PROS1: variants seen among roughly 807,000 people sequenced by gnomAD.
PROS1 encodes the protein protein S.
Under a neutral mutation model 75.9 loss-of-function variants are expected in PROS1, and 29 were observed. That is an observed-to-expected ratio of 0.38 (90% CI 0.28 to 0.52). The LOEUF is 0.52. PROS1 is among the 20% of genes least tolerant of loss of function. The probability of loss-of-function intolerance (pLI) is 0.83; values close to 1 mark genes in which losing one functional copy is unlikely to be tolerated. For missense variants in PROS1, 680 were observed against 810.3 expected, an observed-to-expected ratio of 0.84 and a Z score of 1.95; for synonymous variants, 245 against 280.6, an observed-to-expected ratio of 0.87 and a Z score of 1.27.
chr3:93,954,263 G>A (rs1345077554), intron 1 of PROS1, among the ~76,000 whole-genome samples: 6 of 152,164 alleles, frequency 3.9e-5, no homozygotes, highest in Non-Finnish European at 7.3e-5. Context: ...AGCCCGCATT[G>A]CCAAGACAAT....
At chr3:93,910,964 G>C (rs894150348) in intron 3 of PROS1, 1 of 432,606 alleles carries the variant, frequency 2.3e-6, no homozygotes, top group Non-Finnish European at 4.2e-6. Flanking sequence ...CTTAAAGTCA[G>C]AAGTGAAAAA....
At chr3:93,889,693 A>T (rs1157790691) in intron 10 of PROS1, among the ~76,000 whole-genome samples, 1 of 152,186 alleles carries the variant, frequency 6.6e-6, no homozygotes, top group Admixed American at 6.5e-5. Flanking sequence ...GATTTCATGG[A>T]CATTTATTAG....
chr3:93,946,391 C>T (rs1292463091), intron 1 of PROS1, among the ~76,000 whole-genome samples: 1 of 152,178 alleles, frequency 6.6e-6, no homozygotes, highest in Non-Finnish European at 1.5e-5. Context: ...CATCATGCTA[C>T]ATGACTTCAA....
At chr3:93,905,450 A>G (rs1357268513) in intron 6 of PROS1, among the ~76,000 whole-genome samples, 1 of 152,066 alleles carries the variant, frequency 6.6e-6, no homozygotes, top group African/African-American at 2.4e-5. Flanking sequence ...AAAATACAAA[A>G]CAAAACTAGC....
At chr3:93,889,666 G>A (rs1708401755) in intron 10 of PROS1, among the ~76,000 whole-genome samples, 1 of 152,122 alleles carries the variant, frequency 6.6e-6, no homozygotes, top group African/African-American at 2.4e-5. Flanking sequence ...CCACAGCAGA[G>A]GAACATAAAT....
At chr3:93,929,590 G>T (rs999367149) in intron 1 of PROS1, among the ~76,000 whole-genome samples, 1 of 152,148 alleles carries the variant, frequency 6.6e-6, no homozygotes, top group African/African-American at 2.4e-5. Context: ...CAAAGATACA[G>T]TAAGTTAAAA....
At chr3:93,932,563 T>C (rs764779016) in intron 1 of PROS1, among the ~76,000 whole-genome samples, 4 of 152,170 alleles carry the variant, frequency 2.6e-5, no homozygotes, top group Admixed American at 6.5e-5. Flanking sequence ...CTTATCTGAG[T>C]CACTCCTTCA....
At chr3:93,881,644 C>T (rs950912834) in intron 12 of PROS1, among the ~76,000 whole-genome samples, 2 of 141,584 alleles carry the variant, frequency 1.4e-5, no homozygotes, top group Non-Finnish European at 3.0e-5. Flanking sequence ...TCTGCTGTGT[C>T]AACATATTGG....
chr3:93,946,872 G>A (rs1252860157), intron 1 of PROS1, among the ~76,000 whole-genome samples: 2 of 147,062 alleles, frequency 1.4e-5, no homozygotes, highest in Non-Finnish European at 3.0e-5. Flanking sequence ...TCATCAGAGT[G>A]AACAGGCAAC....
chr3:93,940,288 C>T (rs540005335), intron 1 of PROS1, among the ~76,000 whole-genome samples: 1 of 152,264 alleles, frequency 6.6e-6, no homozygotes, highest in East Asian at 1.9e-4. Context: ...TGACACTGCC[C>T]GATTGCCTCG....
At chr3:93,894,928 T>C (rs1478925588) in intron 9 of PROS1, among the ~76,000 whole-genome samples, 2 of 152,164 alleles carry the variant, frequency 1.3e-5, no homozygotes, top group African/African-American at 4.8e-5. Flanking sequence ...TCTGATCCCA[T>C]GTTAGAGATC....
intron 3 of PROS1, among the ~76,000 whole-genome samples, chr3:93,913,269 T>A (rs1431533945): frequency 2.6e-5 from 4 of 152,232 alleles, no homozygotes; most frequent in Non-Finnish European, 4.4e-5. Context: ...CAAATCTCAT[T>A]TTGAATTGTA....
intron 14 of PROS1, among the ~76,000 whole-genome samples, chr3:93,875,066 A>C (rs1465711289): frequency 6.6e-6 from 1 of 152,016 alleles, no homozygotes; most frequent in Non-Finnish European, 1.5e-5. Context: ...CCAAAAAAAA[A>C]CCTTTAAATT....
At chr3:93,941,185 C>T (rs1371549373) in intron 1 of PROS1, among the ~76,000 whole-genome samples, 9 of 152,112 alleles carry the variant, frequency 5.9e-5, no homozygotes, top group Admixed American at 3.3e-4. Context: ...TCCACTCCTC[C>T]ACTTCTCACC....
chr3:93,971,058 T>C lies in PROS1; in HGVS notation c.76+2616A>G, dbSNP rs1575902639. Among the ~76,000 whole-genome samples the C allele has an allele frequency of 2.0e-5, 3 of 151,932 alleles. No homozygotes were observed. The South Asian group carries it at 6.2e-4, about 32-fold the overall frequency. ...TTTCTATGGCCTAAACAATGAATTA[T>C]AGGCTGGATAAGGTGGCTCACTCCT... On this transcript the variant is annotated intron_variant, in intron 1 of 14. Transcript: ENST00000394236.
At chr3:93,962,461 A>T (rs754070648) in intron 1 of PROS1, among the ~76,000 whole-genome samples, 1 of 152,206 alleles carries the variant, frequency 6.6e-6, no homozygotes, top group Non-Finnish European at 1.5e-5. Context: ...CTTCTGTTAC[A>T]GTTTCATACT....
At chr3:93,962,726 C>T (rs551184613) in intron 1 of PROS1, among the ~76,000 whole-genome samples, 3 of 152,136 alleles carry the variant, frequency 2.0e-5, no homozygotes, top group Non-Finnish European at 4.4e-5. Context: ...GCTTTCATTC[C>T]TTCCCTAGGA....
chr3:93,899,386 AAAATAATTTAAAAT>A (rs1490066470), intron 7 of PROS1, among the ~76,000 whole-genome samples: 1 of 152,200 alleles, frequency 6.6e-6, no homozygotes, highest in African/African-American at 2.4e-5. Flanking sequence ...ATGTTCTCAT[AAAATAATTTAAAAT>A]AGATTCCCAA....
intron 1 of PROS1, among the ~76,000 whole-genome samples, chr3:93,956,590 G>A (rs1025453200): frequency 3.5e-5 from 3 of 84,652 alleles, no homozygotes; most frequent in Admixed American, 2.1e-4. Context: ...ACACACACAC[G>A]TTATCAGAAT....
Sources: gnomAD v4.1 joint callset for allele counts (sites outside exome capture counted in the v4.1 genomes callset) on GRCh38, gnomAD v4.1.1 for gene constraint, MANE v1.5 for transcripts, NCBI Gene and HGNC (gene_info 2026-07-23, HGNC 2026-07-21) for gene names.